SORCS1: variants seen among roughly 807,000 people sequenced by gnomAD.
SORCS1 encodes the protein VPS10 domain-containing receptor SorCS1.
In SORCS1, 60 loss-of-function variants were observed where a neutral mutation model predicts 146.1. The observed-to-expected ratio is 0.41, with a 90% CI of 0.33 to 0.51. The LOEUF is 0.51. Among genes scored for constraint, SORCS1 ranks in the 20% least tolerant of loss-of-function variants. The pLI, the probability that SORCS1 is intolerant of heterozygous loss-of-function variation, is 0.21. For missense variants in SORCS1, 1,352 were observed against 1,487.6 expected, an observed-to-expected ratio of 0.91 and a Z score of 1.50; for synonymous variants, 637 against 584.0, an observed-to-expected ratio of 1.09 and a Z score of -1.31.
At chr10:106,901,883 T>C (rs1422990535) in intron 2 of SORCS1, among the ~76,000 whole-genome samples, 3 of 151,972 alleles carry the variant, frequency 2.0e-5, no homozygotes, top group Admixed American at 2.0e-4. Context: ...CTTTATTAAA[T>C]ATACAAAAAA....
chr10:107,034,211 G>A (rs1473402032), intron 1 of SORCS1, among the ~76,000 whole-genome samples: 2 of 152,110 alleles, frequency 1.3e-5, no homozygotes, highest in Non-Finnish European at 2.9e-5. Context: ...AAACACAAAT[G>A]GTGGGGAGGG....
chr10:106,622,289 G>GAA (rs554464573), intron 19 of SORCS1, among the ~76,000 whole-genome samples: 2,857 of 39,002 alleles, frequency 0.073, 288 homozygotes, highest in East Asian at 0.25. Flanking sequence ...ATTCCATCTC[G>GAA]AAAAAAAAAA....
At chr10:107,113,121 A>G (rs544768434) in intron 1 of SORCS1, among the ~76,000 whole-genome samples, 2 of 152,180 alleles carry the variant, frequency 1.3e-5, no homozygotes, top group East Asian at 3.9e-4. Context: ...AACAATTCTT[A>G]ACAAATTTGA....
intron 2 of SORCS1, among the ~76,000 whole-genome samples, chr10:106,923,835 G>T (rs543099140): frequency 1.8e-4 from 27 of 152,284 alleles, no homozygotes; most frequent in African/African-American, 5.5e-4. Flanking sequence ...TTTAAAGAAA[G>T]CTTTTTTTAT....
At chr10:106,793,124 C>T (rs997614639) in intron 3 of SORCS1, among the ~76,000 whole-genome samples, 3 of 152,170 alleles carry the variant, frequency 2.0e-5, no homozygotes, top group East Asian at 3.8e-4. Flanking sequence ...AATGAAACTA[C>T]CATTGCAGAG....
At chr10:106,836,157 A>T (rs1009441215) in intron 2 of SORCS1, among the ~76,000 whole-genome samples, 48 of 152,116 alleles carry the variant, frequency 3.2e-4, no homozygotes, top group African/African-American at 1.2e-3. Flanking sequence ...TAAAAAGTGT[A>T]ACTAGCCTGC....
chr10:107,020,944 GTAAT>G (rs1378278276), intron 1 of SORCS1, among the ~76,000 whole-genome samples: 1 of 151,912 alleles, frequency 6.6e-6, no homozygotes, highest in African/African-American at 2.4e-5. Flanking sequence ...ATTCATTTGG[GTAAT>G]TAAACTTTCT....
At chr10:106,690,767 T>G (rs1853237407) in intron 9 of SORCS1, among the ~76,000 whole-genome samples, 1 of 152,226 alleles carries the variant, frequency 6.6e-6, no homozygotes, top group Non-Finnish European at 1.5e-5. Flanking sequence ...TGTTGTTTTC[T>G]TTTGTTGCTT....
chr10:106,753,957 T>C (rs557107707), intron 5 of SORCS1, among the ~76,000 whole-genome samples: 71 of 152,300 alleles, frequency 4.7e-4, no homozygotes, highest in African/African-American at 1.7e-3. Flanking sequence ...TTATATAAGA[T>C]TGTGTTTATT....
chr10:106,827,922 A>C (rs1948370912), intron 3 of SORCS1, among the ~76,000 whole-genome samples: 1 of 152,242 alleles, frequency 6.6e-6, no homozygotes, highest in Admixed American at 6.5e-5. Context: ...AAAAGCCATA[A>C]ATTGTTAATG....
chr10:106,577,560 G>C lies in SORCS1; in HGVS notation c.3372-5C>G. 6.2e-7 allele frequency: 1 copy of C among 1,610,512 alleles called. No homozygotes were observed. Among genetic ancestry groups the C allele is most frequent in the Non-Finnish European group, 8.5e-7 (1 of 1,177,816 alleles). Reference sequence around the variant, plus strand: ...GGGGAGGGTAAAGCTACTCTCCTAAGAGAAAACGTGTAACACTTACTCATT... The same window carrying C: ...GGGGAGGGTAAAGCTACTCTCCTAACAGAAAACGTGTAACACTTACTCATT... On this transcript the variant is annotated splice_region_variant and splice_polypyrimidine_tract_variant and intron_variant, in intron 25 of 25. Transcript: ENST00000263054.
At chr10:107,105,389 G>C (rs968842728) in intron 1 of SORCS1, among the ~76,000 whole-genome samples, 2 of 152,222 alleles carry the variant, frequency 1.3e-5, no homozygotes, top group South Asian at 2.1e-4. Context: ...TTATTAAGGA[G>C]TATTGACTCA....
At chr10:107,163,840 C>T (rs1969890540) in intron 1 of SORCS1, 129 bp downstream of exon 1, 4 of 1,055,826 alleles carry the variant, frequency 3.8e-6, no homozygotes, top group African/African-American at 1.6e-5. Context: ...GGGAAGTGGG[C>T]AGAGACCAGT....
chr10:107,090,689 T>C (rs1318456342), intron 1 of SORCS1, among the ~76,000 whole-genome samples: 3 of 152,274 alleles, frequency 2.0e-5, no homozygotes, highest in Non-Finnish European at 4.4e-5. Context: ...ATTCTGGGCA[T>C]GATAGAGATG....
chr10:106,632,878 G>A (rs1357235903), intron 18 of SORCS1, among the ~76,000 whole-genome samples: 1 of 152,302 alleles, frequency 6.6e-6, no homozygotes, highest in African/African-American at 2.4e-5. Flanking sequence ...CAGAAGACCT[G>A]AAAGAAGAAG....
intron 1 of SORCS1, among the ~76,000 whole-genome samples, chr10:107,133,451 A>G (rs843990): frequency 0.6 from 91,447 of 151,856 alleles, 27,960 homozygotes; most frequent in African/African-American, 0.69. Flanking sequence ...GAAGGGTAGA[A>G]TGCCGGAGAA....
intron 5 of SORCS1, among the ~76,000 whole-genome samples, chr10:106,748,028 A>G (rs1223136961): frequency 6.6e-6 from 1 of 152,202 alleles, no homozygotes; most frequent in African/African-American, 2.4e-5. Context: ...CATCCATTCC[A>G]AAATGCAAAT....
chr10:107,132,703 A>G (rs1429312437), intron 1 of SORCS1, among the ~76,000 whole-genome samples: 3 of 152,228 alleles, frequency 2.0e-5, no homozygotes, highest in Admixed American at 2.0e-4. Flanking sequence ...TTCCGTGCCT[A>G]GTTCCATTCA....
the SORCS1 span, among the ~76,000 whole-genome samples, chr10:107,177,994 C>G: frequency 6.6e-6 from 1 of 151,876 alleles, no homozygotes; most frequent in Admixed American, 6.6e-5. Flanking sequence ...CAGAGTGGGG[C>G]CTGTTGGAGC....
Sources: allele counts gnomAD v4.1 joint callset (sites outside exome capture counted in the v4.1 genomes callset), GRCh38; gene constraint gnomAD v4.1.1; transcripts MANE v1.5; gene names NCBI Gene and HGNC (gene_info 2026-07-23, HGNC 2026-07-21).